Variants in TAFA2 observed in about 807,000 individuals in gnomAD.
TAFA2 encodes the protein TAFA chemokine like family member 2, also known as chemokine-like protein TAFA-2.
In TAFA2, 7 loss-of-function variants were observed where a neutral mutation model predicts 18.8. The ratio of observed to expected loss-of-function variants is 0.37; its 90% confidence interval spans 0.21 to 0.70. The LOEUF is 0.70. TAFA2 is among the 30% of genes least tolerant of loss of function. TAFA2 has a pLI of 0.53. For missense variants in TAFA2, 122 were observed against 158.1 expected (o/e 0.77, Z 1.23); for synonymous variants, 60 against 54.2 (o/e 1.11, Z -0.47).
At chr12:61,882,273 C>A (rs1191162235) in intron 1 of TAFA2, among the ~76,000 whole-genome samples, 3 of 152,136 alleles carry the variant, frequency 2.0e-5, no homozygotes, top group Admixed American at 2.0e-4. Flanking sequence ...AAAGGACCTA[C>A]TGAAAAACAG....
intron 1 of TAFA2, chr12:61,880,910 G>A (rs891246608): frequency 7.5e-5 from 12 of 160,342 alleles, no homozygotes; most frequent in Non-Finnish European, 9.6e-5. Context: ...CACCCGCGGC[G>A]GGAGTTTACT....
At chr12:61,992,924 C>T (rs778418601) in intron 1 of TAFA2, among the ~76,000 whole-genome samples, 1 of 152,182 alleles carries the variant, frequency 6.6e-6, no homozygotes, top group Non-Finnish European at 1.5e-5. Context: ...AGCTCCTACA[C>T]ATTGAGTGCC....
chr12:62,179,542 C>G (rs1372724013), intron 1 of TAFA2, among the ~76,000 whole-genome samples: 2 of 152,098 alleles, frequency 1.3e-5, no homozygotes, highest in Non-Finnish European at 2.9e-5. Context: ...AATAAACAAC[C>G]TTGACAGAAA....
At chr12:62,175,347 G>A (rs554392306) in intron 1 of TAFA2, among the ~76,000 whole-genome samples, 36 of 152,058 alleles carry the variant, frequency 2.4e-4, no homozygotes, top group African/African-American at 8.4e-4. Flanking sequence ...TGGGCCTTGG[G>A]ACCACATTTA....
At chr12:61,754,182 A>G (rs74983066) in intron 3 of TAFA2, among the ~76,000 whole-genome samples, 9,566 of 152,016 alleles carry the variant, frequency 0.063, 1,005 homozygotes, top group African/African-American at 0.22. Context: ...CTTTATAATC[A>G]ATATAATATT....
intron 1 of TAFA2, among the ~76,000 whole-genome samples, chr12:62,202,522 G>C (rs755474708): frequency 3.3e-5 from 5 of 151,878 alleles, no homozygotes; most frequent in African/African-American, 4.8e-5. Context: ...ATTTTTAGTA[G>C]AGGTGGACAG....
intron 2 of TAFA2, among the ~76,000 whole-genome samples, chr12:61,786,892 T>C (rs1870760844): frequency 6.6e-6 from 1 of 151,340 alleles, no homozygotes; most frequent in Admixed American, 6.6e-5. Context: ...CCAAATAAGA[T>C]GATACAATGA....
At chr12:61,735,057 G>A (rs1452569394) in intron 4 of TAFA2, among the ~76,000 whole-genome samples, 2 of 152,022 alleles carry the variant, frequency 1.3e-5, no homozygotes, top group Non-Finnish European at 1.5e-5. Context: ...GACTTAATAA[G>A]TGTTAGTTAG....
In TAFA2 at chr12:62,033,536, A is replaced by T. The variant is rs545361389; in HGVS notation, c.-2+157723T>A. Among the ~76,000 whole-genome samples, 508 of 152,200 alleles carry T rather than the reference A, an allele frequency of 3.3e-3. 3 individuals are homozygous for T. The highest frequency in any genetic ancestry group is 0.012 in the African/African-American group (489 of 41,514). ...AGAAGAGGGCAGAGTTTCCAACAAC[A>T]CTGACATTATCACCTAATTCTCTAT... On this transcript the variant is annotated intron_variant, in intron 1 of 4. Transcript: ENST00000416284.
intron 1 of TAFA2, among the ~76,000 whole-genome samples, chr12:62,087,135 G>C (rs1319347841): frequency 6.6e-6 from 1 of 152,044 alleles, no homozygotes; most frequent in African/African-American, 2.4e-5. Flanking sequence ...CCAGGAGCTG[G>C]GTGAAAGAGA....
chr12:61,787,409 G>A (rs186391108), intron 2 of TAFA2, among the ~76,000 whole-genome samples: 58 of 151,586 alleles, frequency 3.8e-4, no homozygotes, highest in African/African-American at 1.2e-3. Context: ...TTCAAACTCA[G>A]AATACTCCAA....
At chr12:61,990,877 CAAT>C (rs1879985785) in intron 1 of TAFA2, among the ~76,000 whole-genome samples, 1 of 151,808 alleles carries the variant, frequency 6.6e-6, no homozygotes, top group African/African-American at 2.4e-5. Context: ...AAATTATGCA[CAAT>C]GAGAAAAGTA....
At chr12:61,932,037 C>T (rs1877577512) in intron 1 of TAFA2, among the ~76,000 whole-genome samples, 1 of 152,122 alleles carries the variant, frequency 6.6e-6, no homozygotes, top group African/African-American at 2.4e-5. Context: ...CATTATAAAT[C>T]ATTGAATCAT....
intron 4 of TAFA2, among the ~76,000 whole-genome samples, chr12:61,711,643 A>T (rs1443266042): frequency 6.6e-6 from 1 of 152,032 alleles, no homozygotes; most frequent in Non-Finnish European, 1.5e-5. Context: ...GGCTAGTCTC[A>T]AATTATACTA....
chr12:62,216,954 G>A (rs1186261369), intron 1 of TAFA2, among the ~76,000 whole-genome samples: 1 of 152,178 alleles, frequency 6.6e-6, no homozygotes, highest in African/African-American at 2.4e-5. Context: ...AGGGTTCAGG[G>A]AAATGCCATG....
intron 4 of TAFA2, among the ~76,000 whole-genome samples, chr12:61,732,693 T>C (rs1233578867): frequency 1.3e-5 from 2 of 151,788 alleles, no homozygotes; most frequent in African/African-American, 4.8e-5. Context: ...TGGTTTGCAA[T>C]GTTTTGGGGA....
At chr12:61,947,812 G>A (rs1878332714) in intron 1 of TAFA2, among the ~76,000 whole-genome samples, 1 of 152,170 alleles carries the variant, frequency 6.6e-6, no homozygotes, top group African/African-American at 2.4e-5. Flanking sequence ...TGAAGCAAGG[G>A]TGTGCAATTT....
chr12:62,219,334 A>C (rs2062750841), intron 1 of TAFA2, among the ~76,000 whole-genome samples: 1 of 152,186 alleles, frequency 6.6e-6, no homozygotes, highest in African/African-American at 2.4e-5. Flanking sequence ...TCTTTAATAG[A>C]AAACTTGAAG....
intron 4 of TAFA2, among the ~76,000 whole-genome samples, chr12:61,711,391 T>A (rs1326894433): frequency 2.0e-5 from 3 of 152,040 alleles, no homozygotes; most frequent in Non-Finnish European, 2.9e-5. Flanking sequence ...TTTCTAATTC[T>A]ATTCTAATAT....
Sources: allele counts gnomAD v4.1 joint callset (sites outside exome capture counted in the v4.1 genomes callset), GRCh38; gene constraint gnomAD v4.1.1; transcripts MANE v1.5; gene names NCBI Gene and HGNC (gene_info 2026-07-23, HGNC 2026-07-21).